Variants in ABCG2 observed in about 807,000 individuals in gnomAD.
ABCG2 encodes broad substrate specificity ATP-binding cassette transporter ABCG2.
ABCG2 carries 80 observed loss-of-function variants against 73.5 expected under a neutral mutation model. That is an observed-to-expected ratio of 1.09 (90% confidence interval 0.91 to 1.31). ABCG2 has a LOEUF of 1.31. Ranked by LOEUF, ABCG2 falls within the 50% of genes most tolerant of loss-of-function variation. The pLI is 0.00. For missense variants in ABCG2, 796 were observed against 786.2 expected (o/e 1.01, Z -0.15); for synonymous variants, 269 against 282.4 (o/e 0.95, Z 0.48).
intron 1 of ABCG2, among the ~76,000 whole-genome samples, chr4:88,221,141 G>T (rs184335788): frequency 9.7e-4 from 148 of 152,126 alleles, no homozygotes; most frequent in Non-Finnish European, 4.9e-4. Flanking sequence ...TGTTAGTGTG[G>T]ACCTGTAATC....
intron 13 of ABCG2, among the ~76,000 whole-genome samples, chr4:88,097,091 T>G (rs981584848): frequency 6.6e-6 from 1 of 152,134 alleles, no homozygotes; most frequent in South Asian, 2.1e-4. Context: ...AGCATGAAAG[T>G]CGGGCAAATA....
intron 1 of ABCG2, among the ~76,000 whole-genome samples, chr4:88,202,800 G>A (rs536619320): frequency 8.5e-5 from 13 of 152,142 alleles, no homozygotes; most frequent in African/African-American, 2.4e-4. Context: ...TGGAGGTTAC[G>A]GTGAGCCTTG....
intron 1 of ABCG2, among the ~76,000 whole-genome samples, chr4:88,209,159 A>G (rs1002510377): frequency 1.2e-4 from 18 of 151,614 alleles, no homozygotes; most frequent in Admixed American, 2.6e-4. Context: ...AAAATACAAA[A>G]ATTAGCTAAG....
chr4:88,172,451 G>A (rs953713030), intron 1 of ABCG2, among the ~76,000 whole-genome samples: 7 of 151,484 alleles, frequency 4.6e-5, no homozygotes, highest in Non-Finnish European at 8.8e-5. Flanking sequence ...AGTGGCACCC[G>A]CCTGTAATCC....
At chr4:88,222,425 C>T (rs1350727955) in intron 1 of ABCG2, among the ~76,000 whole-genome samples, 2 of 152,138 alleles carry the variant, frequency 1.3e-5, no homozygotes, top group Non-Finnish European at 2.9e-5. Flanking sequence ...TCGTGGGCCG[C>T]TGTTCTCGTG....
chr4:88,137,544 G>C (rs535816757), intron 2 of ABCG2, among the ~76,000 whole-genome samples: 15 of 152,300 alleles, frequency 9.8e-5, no homozygotes, highest in African/African-American at 3.1e-4. Flanking sequence ...GACAGGATAT[G>C]GTGGCAGTCA....
upstream of ABCG2, chr4:88,159,003 C>A (rs1323445047): frequency 2.7e-6 from 1 of 365,690 alleles, no homozygotes; most frequent in Admixed American, 3.3e-5. Flanking sequence ...GATAAGCGCC[C>A]TGCGACCCGG....
At chr4:88,139,453 C>T (rs544727987) in intron 2 of ABCG2, among the ~76,000 whole-genome samples, 30 of 152,214 alleles carry the variant, frequency 2.0e-4, no homozygotes, top group African/African-American at 7.0e-4. Context: ...CAGGGTTTCA[C>T]TATGTCGGCC....
chr4:88,094,382 A>G (rs1721842141), intron 15 of ABCG2, among the ~76,000 whole-genome samples, 195 bp downstream of exon 15: 1 of 151,788 alleles, frequency 6.6e-6, no homozygotes, highest in Non-Finnish European at 1.5e-5. Context: ...GACAATTTTT[A>G]CTGCAGCAGA....
At chr4:88,167,715 C>T (rs1207796194) in intron 1 of ABCG2, among the ~76,000 whole-genome samples, 3 of 152,022 alleles carry the variant, frequency 2.0e-5, no homozygotes, top group African/African-American at 7.2e-5. Flanking sequence ...TTAAATCAGG[C>T]CCACCTTTAC....
chr4:88,218,817 T>C (rs1237379919), intron 1 of ABCG2, among the ~76,000 whole-genome samples: 1 of 152,260 alleles, frequency 6.6e-6, no homozygotes, highest in Admixed American at 6.5e-5. Context: ...ATCTCTAGTC[T>C]ATTATCTTTA....
intron 1 of ABCG2, among the ~76,000 whole-genome samples, chr4:88,185,489 T>A (rs182635375): frequency 1.3e-4 from 20 of 152,006 alleles, no homozygotes; most frequent in Non-Finnish European, 2.4e-4. Flanking sequence ...AAAGCAAAAA[T>A]GGATAAATGG....
chr4:88,107,623 A>G (rs2054576), intron 9 of ABCG2, among the ~76,000 whole-genome samples: 12,274 of 152,294 alleles, frequency 0.081, 740 homozygotes, highest in East Asian at 0.26. Flanking sequence ...GCAAGTATGT[A>G]GCAAAGCAAA....
intron 1 of ABCG2, among the ~76,000 whole-genome samples, chr4:88,196,030 G>A (rs959095198): frequency 1.3e-5 from 2 of 152,114 alleles, no homozygotes; most frequent in African/African-American, 4.8e-5. Flanking sequence ...ATTGGGAGAC[G>A]ACCTTTCCCT....
At chr4:88,176,154 CTTG>C (rs1727960486) in intron 1 of ABCG2, among the ~76,000 whole-genome samples, 15 of 125,858 alleles carry the variant, frequency 1.2e-4, no homozygotes, top group Middle Eastern at 3.8e-3. Context: ...TATGATTATT[CTTG>C]TTTTTTTTTT....
At chr4:88,132,781 A>C in intron 2 of ABCG2, 146 bp from the exon 3 acceptor site, 2 of 898,956 alleles carry the variant, frequency 2.2e-6, no homozygotes, top group Non-Finnish European at 3.5e-6. Flanking sequence ...AAAACAAACA[A>C]ACAAAACAGG....
chr4:88,160,307 G>T (rs1454262189), upstream of ABCG2, among the ~76,000 whole-genome samples: 4 of 151,362 alleles, frequency 2.6e-5, no homozygotes, highest in Admixed American at 6.6e-5. Context: ...TGCAAAAACT[G>T]AAAAATCTCC....
rs983567731 is a variant in ABCG2 at position 88,158,149 on chromosome 4, A to G, written c.-20+237T>C. On this transcript the variant is annotated intron_variant, in intron 1 of 15. Transcript: ENST00000237612. The stretch of plus-strand genomic sequence containing the variant: ...AAAGGCCAAGAGTTTTTACCAACCC[A>G]CACTTAACACACTATGGGACCCAGA... Among the ~76,000 whole-genome samples the G allele has an allele frequency of 2.6e-5, 4 of 152,170 alleles. No individual in the cohort carries two copies. The East Asian group carries it at 7.7e-4, about 29-fold the overall frequency.
In ABCG2 at chr4:88,206,005, CT is replaced by C. The variant is rs539488862; in HGVS notation, c.-20+24988del. Among the ~76,000 whole-genome samples the C allele has an allele frequency of 2.7e-3, 410 of 152,228 alleles. 1 individual carries two copies. The highest frequency in any genetic ancestry group is 4.4e-3 in the Non-Finnish European group (302 of 67,976). On this transcript the variant is annotated intron_variant, in intron 1 of 15. Transcript: ENST00000515655. ...CACCATTTATCATTTTATATCTGGG[CT>C]GTCTTCCAAGCTAGTCTCTGCCGAC...
Sources: gnomAD v4.1 joint callset for allele counts (sites outside exome capture counted in the v4.1 genomes callset) on GRCh38, gnomAD v4.1.1 for gene constraint, MANE v1.5 for transcripts, NCBI Gene and HGNC (gene_info 2026-07-23, HGNC 2026-07-21) for gene names.